Variants in MCC observed in about 807,000 individuals in gnomAD.
The protein encoded by MCC is MCC regulator of Wnt signaling pathway.
Under a neutral mutation model 116.2 loss-of-function variants are expected in MCC, and 90 were observed. The ratio of observed to expected loss-of-function variants is 0.77; its 90% CI spans 0.65 to 0.92. The LOEUF (loss-of-function observed/expected upper bound fraction) is 0.92. Ranked by LOEUF, MCC falls within the 40% of genes least tolerant of loss-of-function variation. The pLI is 0.00. For synonymous variants in MCC, 578 were observed against 510.5 expected, an observed-to-expected ratio of 1.13 and a Z score of -1.78; for missense variants, 1,516 against 1,312.2, an observed-to-expected ratio of 1.16 and a Z score of -2.40.
rs566322688 is a variant in MCC at position 113,197,031 on chromosome 5, T to C, written c.628-45609A>G. Among the ~76,000 whole-genome samples the C allele has an allele frequency of 2.6e-5, 4 of 152,288 alleles. No individual in the cohort carries two copies. In the South Asian group the frequency reaches 8.3e-4, roughly 32 times the overall value. On this transcript the variant is annotated intron_variant, in intron 3 of 18. Coordinates refer to ENST00000408903, the MANE Select transcript of MCC (RefSeq NM_001085377.2). Reference sequence around the variant, plus strand: ...AGCTTAAAACCTGGTTCTGGAAATGTAAGATGTATACATGGAAATCTGAGC... The same window carrying C: ...AGCTTAAAACCTGGTTCTGGAAATGCAAGATGTATACATGGAAATCTGAGC...
At position 113,307,941 on chromosome 5, in the gene MCC, G is replaced by A. The variant is rs147776028; in HGVS notation, c.627+32578C>T. Among the ~76,000 whole-genome samples the A allele has an allele frequency of 4.2e-4, 64 of 151,362 alleles. 1 individual carries two copies. The highest frequency in any genetic ancestry group is 1.4e-3 in the African/African-American group (56 of 41,304). ...ATCTTCCTGTTGCTCTTTCTCCTGCGTGGAGTGTCAGCTCCATTTGCCTGT... is the reference window on the plus strand; with the variant it reads ...ATCTTCCTGTTGCTCTTTCTCCTGCATGGAGTGTCAGCTCCATTTGCCTGT... On this transcript the variant is annotated intron_variant, in intron 3 of 18. Transcript: ENST00000408903.
At chr5:113,294,492 T>C (rs1766643505) in intron 3 of MCC, 1 of 1,578,256 alleles carries the variant, frequency 6.3e-7, no homozygotes, top group African/African-American at 1.3e-5. Flanking sequence ...CACATTTTAG[T>C]CTAGACAGCC....
At chr5:113,192,912 G>A (rs1416369990) in intron 3 of MCC, among the ~76,000 whole-genome samples, 2 of 152,218 alleles carry the variant, frequency 1.3e-5, no homozygotes, top group East Asian at 3.8e-4. Context: ...GAACTTAGTG[G>A]CTTAAACCAA....
intron 18 of MCC, among the ~76,000 whole-genome samples, chr5:113,028,074 G>C (rs964403345): frequency 2.0e-5 from 3 of 152,166 alleles, no homozygotes. Context: ...AGTGAGCCCA[G>C]GTAGGTCCAT....
chr5:113,080,136 T>G (rs1415943351), intron 11 of MCC, among the ~76,000 whole-genome samples: 1 of 152,144 alleles, frequency 6.6e-6, no homozygotes, highest in Non-Finnish European at 1.5e-5. Context: ...TGGCAATCAT[T>G]AAAAAGTCAG....
At chr5:113,318,639 A>G (rs982863871) in intron 3 of MCC, among the ~76,000 whole-genome samples, 3 of 151,922 alleles carry the variant, frequency 2.0e-5, no homozygotes, top group African/African-American at 7.2e-5. Context: ...AAGAGAACAT[A>G]TGAATACATA....
At chr5:113,058,922 T>C (rs996734171) in intron 14 of MCC, among the ~76,000 whole-genome samples, 7 of 152,158 alleles carry the variant, frequency 4.6e-5, no homozygotes, top group South Asian at 2.1e-4. Context: ...CCCTGAGCTA[T>C]TGGCCACCAG....
chr5:113,052,753 C>T (rs991086753), intron 15 of MCC, among the ~76,000 whole-genome samples: 5 of 152,172 alleles, frequency 3.3e-5, no homozygotes, highest in Admixed American at 6.5e-5. Context: ...AGTTCCTGAC[C>T]GGTCCTAAAC....
intron 3 of MCC, among the ~76,000 whole-genome samples, chr5:113,165,506 C>T (rs992315576): frequency 4.6e-5 from 7 of 152,096 alleles, no homozygotes; most frequent in African/African-American, 1.4e-4. Context: ...TGGCATTACT[C>T]GCTGCAGATG....
intron 3 of MCC, among the ~76,000 whole-genome samples, chr5:113,333,801 G>GTA (rs1413345203): frequency 1.7e-5 from 1 of 58,054 alleles, no homozygotes; most frequent in Admixed American, 1.8e-4. Context: ...ATATATATAT[G>GTA]TATATATGTA....
At chr5:113,470,426 C>G (rs1331745582) in intron 1 of MCC, among the ~76,000 whole-genome samples, 1 of 151,458 alleles carries the variant, frequency 6.6e-6, no homozygotes, top group Non-Finnish European at 1.5e-5. Context: ...TATTTTATTT[C>G]TCCTTCACTT....
In MCC at chr5:113,199,601, T is replaced by C. The variant is rs6879790; in HGVS notation, c.628-48179A>G. On this transcript the variant is annotated intron_variant, in intron 3 of 18. Transcript: ENST00000408903. ...AGTGAAAGAATCTGAAGCAGCAGCATTGCAGCAGACACTGTGTGCCATGGG... is the reference window on the plus strand; with the variant it reads ...AGTGAAAGAATCTGAAGCAGCAGCACTGCAGCAGACACTGTGTGCCATGGG... Among the ~76,000 whole-genome samples, 627 of 152,338 alleles carry C rather than the reference T, an allele frequency of 4.1e-3. 4 individuals are homozygous for C. The highest frequency in any genetic ancestry group is 0.014 in the African/African-American group (578 of 41,568).
chr5:113,470,934 C>T (rs1772071015), intron 1 of MCC, among the ~76,000 whole-genome samples: 1 of 152,162 alleles, frequency 6.6e-6, no homozygotes, highest in African/African-American at 2.4e-5. Flanking sequence ...TTCATTTCGT[C>T]TTCCATCACT....
intron 3 of MCC, 92 bp from the exon 4 acceptor site, chr5:113,151,514 C>T (rs1022270460): frequency 2.9e-5 from 20 of 682,064 alleles, no homozygotes; most frequent in Non-Finnish European, 4.5e-5. Context: ...AAATAAAAAG[C>T]CTATCATCCA....
intron 6 of MCC, among the ~76,000 whole-genome samples, chr5:113,109,564 G>A (rs1222340374): frequency 6.6e-6 from 1 of 152,122 alleles, no homozygotes; most frequent in African/African-American, 2.4e-5. Context: ...CTGGAAATGG[G>A]TGGTGGTGAT....
chr5:113,321,266 T>G (rs1049988366), intron 3 of MCC, among the ~76,000 whole-genome samples: 47 of 152,344 alleles, frequency 3.1e-4, no homozygotes, highest in African/African-American at 1.1e-3. Context: ...CAAGTTTTCT[T>G]TGTAAAATAA....
At chr5:113,245,401 C>G (rs1215223741) in intron 3 of MCC, among the ~76,000 whole-genome samples, 1 of 151,728 alleles carries the variant, frequency 6.6e-6, no homozygotes, top group Non-Finnish European at 1.5e-5. Flanking sequence ...TCCAAGTCAT[C>G]TGTTTTTTTT....
At chr5:113,188,525 A>G (rs937053008) in intron 3 of MCC, among the ~76,000 whole-genome samples, 17 of 152,216 alleles carry the variant, frequency 1.1e-4, no homozygotes, top group African/African-American at 3.6e-4. Flanking sequence ...TTATGTTTTC[A>G]TATTTATTAA....
chr5:113,288,434 G>GA (rs141979773), intron 3 of MCC, among the ~76,000 whole-genome samples: 9,519 of 151,852 alleles, frequency 0.063, 426 homozygotes, highest in African/African-American at 0.12. Flanking sequence ...TCCTTGCAGT[G>GA]AAAAAAAATA....
Sources: gnomAD v4.1 joint callset for allele counts (sites outside exome capture counted in the v4.1 genomes callset) on GRCh38, gnomAD v4.1.1 for gene constraint, MANE v1.5 for transcripts, NCBI Gene and HGNC (gene_info 2026-07-23, HGNC 2026-07-21) for gene names.